COCH: variants seen among roughly 807,000 people sequenced by gnomAD.
The protein encoded by COCH is cochlin.
Under a neutral mutation model 54.8 loss-of-function variants are expected in COCH, and 40 were observed. That is an observed-to-expected ratio of 0.73 (90% CI 0.57 to 0.95). COCH has a LOEUF of 0.95. Among genes scored for constraint, COCH ranks in the 40% least tolerant of loss-of-function variants. The pLI, the probability that COCH is intolerant of heterozygous loss-of-function variation, is 0.00. For synonymous variants in COCH, 256 were observed against 237.9 expected (o/e 1.08, Z -0.70); for missense variants, 605 against 675.0 (o/e 0.90, Z 1.15).
At chr14:30,887,577 C>T (rs1180709333) in intron 11 of COCH, among the ~76,000 whole-genome samples, 2 of 152,024 alleles carry the variant, frequency 1.3e-5, no homozygotes, top group African/African-American at 4.8e-5. Context: ...TCAAATAGGC[C>T]AACAAAAAGC....
chr14:30,895,003 C>T (rs1240471115), downstream of COCH: 3 of 563,956 alleles, frequency 5.3e-6, no homozygotes, highest in African/African-American at 7.0e-5. Context: ...GAGCTCACTT[C>T]CCCCAACAAG....
At chr14:30,880,406 G>A in intron 6 of COCH, 46 bp from the exon 7 acceptor site, 1 of 1,609,270 alleles carries the variant, frequency 6.2e-7, no homozygotes, top group Non-Finnish European at 8.5e-7. Flanking sequence ...TTCTTGCTAT[G>A]TAACTGTCTT....
chr14:30,891,031 C>CCTAT (rs761078139), downstream of COCH, among the ~76,000 whole-genome samples: 83 of 101,514 alleles, frequency 8.2e-4, no homozygotes, highest in African/African-American at 2.8e-3. Flanking sequence ...AGAGCAAGAC[C>CCTAT]CTATCTCCAA....
At chr14:30,888,629 A>G (rs1489951341) in intron 11 of COCH, among the ~76,000 whole-genome samples, 1 of 151,976 alleles carries the variant, frequency 6.6e-6, no homozygotes, top group Non-Finnish European at 1.5e-5. Context: ...TCTACAAAGA[A>G]ATTTAAAAAT....
intron 6 of COCH, among the ~76,000 whole-genome samples, chr14:30,879,954 C>A (rs1464365765): frequency 6.6e-6 from 1 of 152,192 alleles, no homozygotes; most frequent in Non-Finnish European, 1.5e-5. Flanking sequence ...TGAGCCACTG[C>A]ACCCAGCCTA....
In COCH at chr14:30,877,638, G is replaced by A. The variant is rs1458822136; in HGVS notation, c.149G>A (p.Cys50Tyr). Residue 50 changes from cysteine (C) to tyrosine (Y), a missense_variant, in exon 4 of 12, where the codon TGC becomes TAC. Transcript: ENST00000396618. The surrounding 1 kb of genome is among the most constrained non-coding windows in gnomAD (Gnocchi z 8.6). ...AGGAAAGAGAAAGCAGATGTCCTCT[G>A]CCCAGGGGGCTGCCCTCTTGAGGAA... The part of the protein sequence containing the change: ...DIRKEKADVL[C>Y]PGGCPLEEFS... 1 of 1,614,192 alleles carries A rather than the reference G, an allele frequency of 6.2e-7. No homozygotes were observed. The highest frequency in any genetic ancestry group is 8.5e-7 in the Non-Finnish European group (1 of 1,180,038).
chr14:30,878,846 T>C lies in COCH; in HGVS notation c.275T>C (p.Val92Ala). ...AGCAACTCAGGGGGACCTGTACGAG[T>C]CTATAGCCTACCTGGTCGAGAAAAC... The part of the protein sequence containing the change: ...VISNSGGPVR[V>A]YSLPGRENYS... The change falls in exon 5 of 12, where the codon GTC becomes GCC. Residue 92 changes from valine to alanine, a missense_variant. Val to Ala is a moderately conservative substitution (Grantham distance 64). Transcript: ENST00000396618. 6.2e-7 allele frequency: 1 copy of C among 1,614,032 alleles called. No individual in the cohort carries two copies. The highest frequency in any genetic ancestry group is 8.5e-7 in the Non-Finnish European group (1 of 1,180,010).
chr14:30,892,610 C>A (rs1484732294), downstream of COCH, among the ~76,000 whole-genome samples: 1 of 152,112 alleles, frequency 6.6e-6, no homozygotes, highest in Non-Finnish European at 1.5e-5. Context: ...GAGTTTGAGA[C>A]CTGCCTGACC....
rs993476156 is a variant in COCH at position 30,890,010 on chromosome 14, A to T, written c.*219A>T. 3.0e-5 allele frequency: 38 copies of T among 1,257,274 alleles called. No homozygotes were observed. The highest frequency in any genetic ancestry group is 3.7e-5 in the Non-Finnish European group (37 of 997,082). 77.9% of individuals were successfully genotyped at this position (1,257,274 alleles called of 1,614,324 possible). A position where few individuals can be genotyped will look rare whatever the true frequency, so the allele number is the denominator to read the frequency against. ...AAAACACTGCTGAGGCTTCATAATC[A>T]TGGCTCTTAGAAACTCAGGAAAGAG... On this transcript the variant is annotated 3_prime_UTR_variant, in exon 12 of 12. Coordinates refer to ENST00000396618, the MANE Select transcript of COCH (RefSeq NM_004086.3).
chr14:30,880,246 G>A (rs962722328), intron 6 of COCH, among the ~76,000 whole-genome samples: 1 of 152,128 alleles, frequency 6.6e-6, no homozygotes, highest in African/African-American at 2.4e-5. Flanking sequence ...CTGGATTAGG[G>A]CATATCAAAT....
chr14:30,881,824 C>A (rs556871678), intron 8 of COCH, among the ~76,000 whole-genome samples: 2 of 150,974 alleles, frequency 1.3e-5, no homozygotes, highest in South Asian at 2.1e-4. Flanking sequence ...ATTAGCCGGG[C>A]GTGGTGGCAG....
intron 3 of COCH, chr14:30,875,808 A>G (rs1057127548): frequency 6.5e-6 from 1 of 152,690 alleles, no homozygotes; most frequent in African/African-American, 2.4e-5. Flanking sequence ...GCTCTACTTA[A>G]CAAAAGTCAG....
chr14:30,881,554 A>G (rs1008728539), intron 8 of COCH, among the ~76,000 whole-genome samples: 1 of 152,380 alleles, frequency 6.6e-6, no homozygotes, highest in African/African-American at 2.4e-5. Flanking sequence ...AGGAAGAAGC[A>G]GTGATATGTC....
At chr14:30,895,105 A>T (rs1896106482), downstream of COCH, 1 of 273,640 alleles carries the variant, frequency 3.7e-6, no homozygotes, top group African/African-American at 2.3e-5. Context: ...AAAAAAAAAA[A>T]CTTTTTTGAA....
At chr14:30,883,127 T>C (rs1166699678) in intron 8 of COCH, among the ~76,000 whole-genome samples, 5 of 152,254 alleles carry the variant, frequency 3.3e-5, no homozygotes, top group African/African-American at 1.2e-4. Flanking sequence ...AAAAAAAATG[T>C]GTTCCTTGTT....
At chr14:30,882,805 C>T (rs1895660699) in intron 8 of COCH, among the ~76,000 whole-genome samples, 1 of 152,146 alleles carries the variant, frequency 6.6e-6, no homozygotes, top group African/African-American at 2.4e-5. Flanking sequence ...GTGAGGATCT[C>T]TCAAGCCCAG....
At chr14:30,880,517 T>G (rs1445219412) in intron 7 of COCH, 21 bp downstream of exon 7, 4 of 1,614,084 alleles carry the variant, frequency 2.5e-6, no homozygotes, top group Non-Finnish European at 3.4e-6. Flanking sequence ...AGATCTCCAT[T>G]TGGGAAGGTA....
intron 11 of COCH, among the ~76,000 whole-genome samples, chr14:30,886,737 G>A (rs1895803513): frequency 1.3e-5 from 2 of 152,200 alleles, no homozygotes; most frequent in African/African-American, 4.8e-5. Context: ...ACTTTCTTGT[G>A]TATGAAACAG....
chr14:30,875,512 T>G, intron 3 of COCH: 1 of 499,066 alleles, frequency 2.0e-6, no homozygotes, highest in Non-Finnish European at 3.5e-6. Flanking sequence ...CAGACCCGAC[T>G]TCAGGTTGCC....
Sources: allele counts gnomAD v4.1 joint callset (sites outside exome capture counted in the v4.1 genomes callset), GRCh38; gene constraint gnomAD v4.1.1; non-coding constraint Gnocchi (gnomAD v3.1); transcripts MANE v1.5; gene names NCBI Gene and HGNC (gene_info 2026-07-23, HGNC 2026-07-21).